The following CDH18 variants were observed in gnomAD, a reference collection of about 807,000 sequenced individuals.
CDH18 encodes cadherin-18.
In CDH18, 31 loss-of-function variants were observed where a neutral mutation model predicts 67.9. The ratio of observed to expected loss-of-function variants is 0.46; its 90% CI spans 0.34 to 0.62. The LOEUF is 0.62. CDH18 is among the 20% of genes least tolerant of loss of function. The pLI is 0.01. For synonymous variants in CDH18, 362 were observed against 347.2 expected (o/e 1.04, Z -0.48); for missense variants, 890 against 975.5 (o/e 0.91, Z 1.17).
chr5:19,629,404 C>T (rs10941393), intron 5 of CDH18, among the ~76,000 whole-genome samples: 112,103 of 151,986 alleles, frequency 0.74, 41,587 homozygotes, highest in South Asian at 0.8. Flanking sequence ...TGAGTCAAGA[C>T]AATAATGATA....
intron 3 of CDH18, among the ~76,000 whole-genome samples, chr5:19,783,795 T>A (rs560928561): frequency 6.6e-6 from 1 of 152,178 alleles, no homozygotes; most frequent in Admixed American, 6.6e-5. Context: ...CTCATTTATA[T>A]TCTATAAGAC....
At chr5:20,272,729 A>G (rs999523273) in intron 1 of CDH18, among the ~76,000 whole-genome samples, 2 of 151,952 alleles carry the variant, frequency 1.3e-5, no homozygotes, top group African/African-American at 4.8e-5. Context: ...TTTTCCCTCT[A>G]TGTCATTCTA....
chr5:19,673,608 A>C (rs1053359031), intron 5 of CDH18, among the ~76,000 whole-genome samples: 1 of 152,082 alleles, frequency 6.6e-6, no homozygotes, highest in Non-Finnish European at 1.5e-5. Flanking sequence ...AAAATGTTTT[A>C]CTAGAATATT....
chr5:19,958,631 A>C (rs1231139206), intron 2 of CDH18, among the ~76,000 whole-genome samples: 1 of 152,052 alleles, frequency 6.6e-6, no homozygotes, highest in Non-Finnish European at 1.5e-5. Flanking sequence ...AGACAGGTAA[A>C]ATAGTCTCTA....
chr5:19,679,333 C>G (rs1211989382), intron 5 of CDH18, among the ~76,000 whole-genome samples: 1 of 151,872 alleles, frequency 6.6e-6, no homozygotes, highest in Non-Finnish European at 1.5e-5. Context: ...TATGAAAAAT[C>G]CACAGCCAAC....
intron 1 of CDH18, among the ~76,000 whole-genome samples, chr5:20,330,278 A>G (rs1260298010): frequency 6.6e-6 from 1 of 152,100 alleles, no homozygotes; most frequent in African/African-American, 2.4e-5. Flanking sequence ...GTTGCTATAT[A>G]ATAGGATGAT....
At chr5:19,858,529 GT>G (rs1784536371) in intron 2 of CDH18, among the ~76,000 whole-genome samples, 1 of 152,152 alleles carries the variant, frequency 6.6e-6, no homozygotes, top group African/African-American at 2.4e-5. Flanking sequence ...TTATGTTTTA[GT>G]TTTTTTCCTC....
At chr5:20,271,315 C>T (rs891341578) in intron 1 of CDH18, among the ~76,000 whole-genome samples, 2 of 151,980 alleles carry the variant, frequency 1.3e-5, no homozygotes, top group Admixed American at 6.6e-5. Context: ...TCAATGATTA[C>T]GAAGTAGAGC....
At chr5:20,519,283 T>C (rs1755573460) in intron 1 of CDH18, among the ~76,000 whole-genome samples, 1 of 152,146 alleles carries the variant, frequency 6.6e-6, no homozygotes, top group African/African-American at 2.4e-5. Flanking sequence ...TGGAATACTA[T>C]GCAGCCATAA....
chr5:19,564,624 G>T (rs1740034998), intron 8 of CDH18, among the ~76,000 whole-genome samples: 1 of 152,086 alleles, frequency 6.6e-6, no homozygotes, highest in African/African-American at 2.4e-5. Flanking sequence ...GTAACCCAGG[G>T]TATTAACAGA....
chr5:20,546,394 C>T (rs1365237179), intron 1 of CDH18, among the ~76,000 whole-genome samples: 3 of 121,836 alleles, frequency 2.5e-5, no homozygotes, highest in Non-Finnish European at 5.6e-5. Flanking sequence ...TGCTTTCACA[C>T]TACTATAAAA....
intron 3 of CDH18, among the ~76,000 whole-genome samples, chr5:19,787,987 G>A (rs762772890): frequency 1.3e-5 from 2 of 151,986 alleles, no homozygotes; most frequent in Non-Finnish European, 2.9e-5. Flanking sequence ...ATTGTGGAAA[G>A]TATTCTCCCC....
intron 2 of CDH18, among the ~76,000 whole-genome samples, chr5:20,163,274 T>C (rs1335315324): frequency 6.6e-6 from 1 of 152,076 alleles, no homozygotes; most frequent in Non-Finnish European, 1.5e-5. Flanking sequence ...AACTTAACAA[T>C]ATAAAATTAA....
chr5:20,076,797 A>G (rs1464681801), intron 2 of CDH18, among the ~76,000 whole-genome samples: 1 of 152,198 alleles, frequency 6.6e-6, no homozygotes, highest in Non-Finnish European at 1.5e-5. Context: ...GTAGGATAAA[A>G]GTACTAAGGC....
chr5:19,519,491 C>T (rs1746557872), intron 10 of CDH18, among the ~76,000 whole-genome samples: 1 of 152,152 alleles, frequency 6.6e-6, no homozygotes, highest in South Asian at 2.1e-4. Flanking sequence ...TGACCTATAC[C>T]CTTTCCACTT....
At chr5:20,167,244 C>T (rs1283178539) in intron 2 of CDH18, among the ~76,000 whole-genome samples, 1 of 152,018 alleles carries the variant, frequency 6.6e-6, no homozygotes, top group Non-Finnish European at 1.5e-5. Flanking sequence ...AATTTAAACA[C>T]CAAATAAATG....
At chr5:19,520,851 T>C (rs1248330054) in intron 9 of CDH18, 73 bp from the exon 10 acceptor site, 1 of 1,500,044 alleles carries the variant, frequency 6.7e-7, no homozygotes, top group Non-Finnish European at 9.1e-7. Context: ...CAAATCTCTT[T>C]AATACTGTAG....
intron 1 of CDH18, among the ~76,000 whole-genome samples, chr5:20,472,018 T>C (rs1372614824): frequency 1.8e-3 from 3 of 1,672 alleles, no homozygotes; most frequent in Non-Finnish European, 5.5e-3. Context: ...GTATCAGATG[T>C]TATTCCAGCC....
At chr5:19,624,796 T>C (rs1412487134) in intron 5 of CDH18, among the ~76,000 whole-genome samples, 1 of 152,134 alleles carries the variant, frequency 6.6e-6, no homozygotes, top group African/African-American at 2.4e-5. Flanking sequence ...TTCCCCTTAA[T>C]CTCTAGTACA....
Sources: allele counts gnomAD v4.1 joint callset (sites outside exome capture counted in the v4.1 genomes callset), GRCh38; gene constraint gnomAD v4.1.1; transcripts MANE v1.5; gene names NCBI Gene and HGNC (gene_info 2026-07-23, HGNC 2026-07-21).